Variants in MCC observed in about 807,000 individuals in gnomAD.
MCC encodes MCC regulator of Wnt signaling pathway, also known as colorectal mutant cancer protein.
A neutral mutation model predicts 116.2 loss-of-function variants in MCC; 90 were observed. The ratio of observed to expected loss-of-function variants is 0.77; its 90% CI spans 0.65 to 0.92. The LOEUF (loss-of-function observed/expected upper bound fraction) is 0.92, where lower values mean the gene tolerates loss of function less well. Ranked by LOEUF, MCC falls within the 40% of genes least tolerant of loss-of-function variation. The probability of loss-of-function intolerance (pLI) is 0.00; values close to 1 mark genes in which losing one functional copy is unlikely to be tolerated. For missense variants in MCC, 1,516 were observed against 1,312.2 expected, an observed-to-expected ratio of 1.16 and a Z score of -2.40; for synonymous variants, 578 against 510.5, an observed-to-expected ratio of 1.13 and a Z score of -1.78.
chr5:113,168,761 G>C (rs55917784), intron 3 of MCC, among the ~76,000 whole-genome samples: 28,552 of 151,844 alleles, frequency 0.19, 2,754 homozygotes, highest in Middle Eastern at 0.24. Flanking sequence ...GGGAAAACAG[G>C]GGCAACAGAT....
chr5:113,403,523 T>C (rs1769750086), intron 1 of MCC, among the ~76,000 whole-genome samples: 2 of 152,206 alleles, frequency 1.3e-5, no homozygotes, highest in South Asian at 4.1e-4. Context: ...GTAGTACAAA[T>C]CATATCACAG....
At chr5:113,068,002 T>G in intron 13 of MCC, 78 bp downstream of exon 13, 1 of 1,249,300 alleles carries the variant, frequency 8.0e-7, no homozygotes, top group South Asian at 1.2e-5. Context: ...GATGATTCAA[T>G]GCCAGTTGCT....
chr5:113,474,487 G>T (rs1364057942), intron 1 of MCC, among the ~76,000 whole-genome samples: 1 of 152,192 alleles, frequency 6.6e-6, no homozygotes, highest in Non-Finnish European at 1.5e-5. Context: ...AATGCTGGAG[G>T]GGGAGTGGAG....
intron 3 of MCC, among the ~76,000 whole-genome samples, chr5:113,247,093 A>T (rs536822891): frequency 6.6e-6 from 1 of 152,344 alleles, no homozygotes; most frequent in African/African-American, 2.4e-5. Context: ...GACACTGGAA[A>T]GGTAACGTCT....
chr5:113,038,968 A>G (rs1398552259), intron 17 of MCC, among the ~76,000 whole-genome samples: 1 of 152,122 alleles, frequency 6.6e-6, no homozygotes, highest in African/African-American at 2.4e-5. Context: ...AGGGCTGGGC[A>G]CAGCCCCTGG....
intron 3 of MCC, among the ~76,000 whole-genome samples, chr5:113,338,714 G>A (rs1055566188): frequency 1.3e-4 from 20 of 152,232 alleles, no homozygotes; most frequent in African/African-American, 3.9e-4. Context: ...ATTATTTGAA[G>A]CAGGCATAGC....
At chr5:113,373,386 A>G (rs1050367185) in intron 2 of MCC, among the ~76,000 whole-genome samples, 2 of 152,178 alleles carry the variant, frequency 1.3e-5, no homozygotes, top group Non-Finnish European at 2.9e-5. Flanking sequence ...AAATACAAAG[A>G]ACTGAAGTTC....
intron 3 of MCC, among the ~76,000 whole-genome samples, chr5:113,312,593 TG>T (rs1767161601): frequency 6.6e-6 from 1 of 152,172 alleles, no homozygotes; most frequent in Admixed American, 6.5e-5. Context: ...GAAATGAGGC[TG>T]GGATGATAGG....
At position 113,049,275 on chromosome 5, in the gene MCC, G is replaced by T; in HGVS notation, c.2473C>A (p.Gln825Lys). The change falls in exon 16 of 19, where the codon CAG becomes AAG. Residue 825 changes from glutamine (Q) to lysine (K), a missense_variant. Physicochemically the swap from Gln to Lys is moderately conservative, Grantham distance 53. Coordinates refer to ENST00000408903, the MANE Select transcript of MCC (RefSeq NM_001085377.2). ...MKEEMAELKA[Q>K]LYLLEKEKKA... ...TTCTCTTTCTCCAGTAGGTAGAGCT[G>T]GGCCTTCAACTCGGCCATCTCCTCC... 1 of 1,606,634 alleles carries T rather than the reference G, an allele frequency of 6.2e-7. No individual in the cohort carries two copies. Among genetic ancestry groups the T allele is most frequent in the East Asian group, 2.2e-5 (1 of 44,594 alleles).
chr5:113,340,248 G>C (rs1294393881), intron 3 of MCC, among the ~76,000 whole-genome samples: 2 of 152,172 alleles, frequency 1.3e-5, no homozygotes, highest in South Asian at 4.1e-4. Flanking sequence ...TGGAAGAGCT[G>C]TTGTGCATCT....
intron 3 of MCC, among the ~76,000 whole-genome samples, chr5:113,333,836 T>TACATATATGTATATGTGTAC (rs372077130): frequency 1.7e-5 from 1 of 59,316 alleles, no homozygotes; most frequent in Non-Finnish European, 3.0e-5. Flanking sequence ...TGTATATATG[T>TACATATATGTATATGTGTAC]ATATATGTAT....
At chr5:113,388,978 A>G (rs74999043) in intron 1 of MCC, among the ~76,000 whole-genome samples, 1,975 of 152,298 alleles carry the variant, frequency 0.013, 24 homozygotes, top group Middle Eastern at 0.034. Flanking sequence ...GACAGCACTA[A>G]CATGAGCAGC....
At chr5:113,291,986 T>C (rs1444462136) in intron 3 of MCC, among the ~76,000 whole-genome samples, 3 of 152,200 alleles carry the variant, frequency 2.0e-5, no homozygotes, top group Admixed American at 6.5e-5. Flanking sequence ...ATTTAAAATA[T>C]GTACAAGCCG....
intron 1 of MCC, among the ~76,000 whole-genome samples, chr5:113,463,532 CA>C (rs1350135301): frequency 1.3e-5 from 2 of 152,118 alleles, no homozygotes; most frequent in Non-Finnish European, 2.9e-5. Flanking sequence ...AGGATCTTTC[CA>C]AGTTTGTTCT....
intron 3 of MCC, among the ~76,000 whole-genome samples, chr5:113,323,837 G>A (rs1396069396): frequency 6.6e-6 from 1 of 152,096 alleles, no homozygotes; most frequent in Non-Finnish European, 1.5e-5. Flanking sequence ...ACTGCACTAT[G>A]ATCATACCTC....
At chr5:113,374,896 G>A (rs1768942838) in intron 2 of MCC, among the ~76,000 whole-genome samples, 1 of 151,598 alleles carries the variant, frequency 6.6e-6, no homozygotes, top group Admixed American at 6.6e-5. Context: ...GGAGGCTGAG[G>A]TGGGAGGATG....
At chr5:113,381,172 G>A (rs1295426486) in intron 2 of MCC, among the ~76,000 whole-genome samples, 8 of 152,212 alleles carry the variant, frequency 5.3e-5, no homozygotes, top group Admixed American at 5.2e-4. Context: ...AGCAAAGGAA[G>A]TGGGCAGATT....
At chr5:113,359,563 T>C (rs1248428685) in intron 2 of MCC, among the ~76,000 whole-genome samples, 1 of 152,264 alleles carries the variant, frequency 6.6e-6, no homozygotes, top group African/African-American at 2.4e-5. Context: ...TGTCTGCCCT[T>C]GGGCAGTTAA....
chr5:113,222,584 A>T (rs1242315410), intron 3 of MCC, among the ~76,000 whole-genome samples: 1 of 152,252 alleles, frequency 6.6e-6, no homozygotes, highest in Non-Finnish European at 1.5e-5. Flanking sequence ...CATTTGTCAG[A>T]TATTAAATGT....
Sources: gnomAD v4.1 joint callset for allele counts (sites outside exome capture counted in the v4.1 genomes callset) on GRCh38, gnomAD v4.1.1 for gene constraint, MANE v1.5 for transcripts, NCBI Gene and HGNC (gene_info 2026-07-23, HGNC 2026-07-21) for gene names.